Variants in ATXN7L1 observed in about 807,000 individuals in gnomAD.
ATXN7L1 encodes the protein ataxin-7-like protein 1.
A neutral mutation model predicts 70.8 loss-of-function variants in ATXN7L1; 15 were observed. The observed-to-expected ratio is 0.21, with a 90% CI of 0.14 to 0.33. ATXN7L1 has a LOEUF of 0.33. Among genes scored for constraint, ATXN7L1 ranks in the 10% least tolerant of loss-of-function variants. The probability of loss-of-function intolerance (pLI) is 1.00; values close to 1 mark genes in which losing one functional copy is unlikely to be tolerated. For missense variants in ATXN7L1, 975 were observed against 1,097.1 expected (o/e 0.89, Z 1.57); for synonymous variants, 440 against 445.1 (o/e 0.99, Z 0.14).
intron 3 of ATXN7L1, among the ~76,000 whole-genome samples, chr7:105,717,587 T>C (rs1248230412): frequency 1.3e-5 from 2 of 152,244 alleles, no homozygotes; most frequent in Non-Finnish European, 2.9e-5. Flanking sequence ...ATATAAATTC[T>C]GAGAAGCATA....
intron 2 of ATXN7L1, chr7:105,819,743 G>A: frequency 1.3e-6 from 1 of 752,994 alleles, no homozygotes; most frequent in Non-Finnish European, 2.4e-6. Flanking sequence ...GGCTGACCTC[G>A]AGGCATGTTG....
At chr7:105,765,527 C>A (rs1280456249) in intron 3 of ATXN7L1, among the ~76,000 whole-genome samples, 3 of 152,092 alleles carry the variant, frequency 2.0e-5, no homozygotes, top group Non-Finnish European at 4.4e-5. Flanking sequence ...CATCTCTTAA[C>A]CCCAGGCAAA....
At chr7:105,725,204 T>C (rs749125987) in intron 3 of ATXN7L1, among the ~76,000 whole-genome samples, 1 of 152,048 alleles carries the variant, frequency 6.6e-6, no homozygotes, top group Non-Finnish European at 1.5e-5. Context: ...AATACAAAGC[T>C]AAAGAGAGAA....
chr7:105,672,495 G>T (rs846926), intron 3 of ATXN7L1, among the ~76,000 whole-genome samples: 135,040 of 152,292 alleles, frequency 0.89, 60,081 homozygotes, highest in African/African-American at 0.95. Context: ...AGCTATTCTC[G>T]TACTGTCGAC....
intron 2 of ATXN7L1, among the ~76,000 whole-genome samples, chr7:105,791,964 C>T (rs1805314362): frequency 6.6e-6 from 1 of 152,194 alleles, no homozygotes; most frequent in African/African-American, 2.4e-5. Context: ...TGAGACCAGA[C>T]ATTGGAGGGT....
chr7:105,620,402 TAAA>T, intron 8 of ATXN7L1, 81 bp from the exon 9 acceptor site: 1 of 1,374,988 alleles, frequency 7.3e-7, no homozygotes, highest in Non-Finnish European at 9.7e-7. Context: ...AACATTTACA[TAAA>T]AACATACAAG....
chr7:105,797,776 C>G (rs1056344964), intron 2 of ATXN7L1, among the ~76,000 whole-genome samples: 1 of 152,240 alleles, frequency 6.6e-6, no homozygotes, highest in African/African-American at 2.4e-5. Context: ...CTGGTGCGCC[C>G]TCACTCGGCA....
chr7:105,681,537 G>T (rs951935635), intron 3 of ATXN7L1, among the ~76,000 whole-genome samples: 2 of 152,110 alleles, frequency 1.3e-5, no homozygotes, highest in Non-Finnish European at 2.9e-5. Flanking sequence ...ATGATCACAC[G>T]ATCTAGCAAT....
chr7:105,689,715 C>A (rs559869955), intron 3 of ATXN7L1, among the ~76,000 whole-genome samples: 7 of 152,330 alleles, frequency 4.6e-5, no homozygotes, highest in Admixed American at 3.3e-4. Flanking sequence ...CAAATTAGAA[C>A]AAAGAGTCCC....
chr7:105,657,308 T>C (rs573017), intron 4 of ATXN7L1, among the ~76,000 whole-genome samples: 21,179 of 152,000 alleles, frequency 0.14, 2,209 homozygotes, highest in African/African-American at 0.3. Context: ...AGGAGCCCAA[T>C]TGACACACCA....
rs536149396 is a variant in ATXN7L1 at position 105,634,648 on chromosome 7, G to T, written c.1202+3705C>A. 3.3e-5 allele frequency among the ~76,000 whole-genome samples: 5 copies of T among 152,178 alleles called. No individual in the cohort carries two copies. In the East Asian group the frequency reaches 9.7e-4, roughly 29 times the overall value. On this transcript the variant is annotated intron_variant, in intron 7 of 11. Coordinates refer to ENST00000419735, the MANE Select transcript of ATXN7L1 (RefSeq NM_020725.2). ...TGGGATTACATACGTGAGCCACTGC[G>T]CCTGGCCTCAGATGAAAAAAACTAT...
rs1387128243 is a variant in ATXN7L1, at chr7:105,761,233, G to T, written c.355+27371C>A. ...TTCCTTACTAGATCCTGACACCAGA[G>T]TGTGCTCACGAATTTGCAGTGAATG... On this transcript the variant is annotated intron_variant, in intron 3 of 11. Transcript: ENST00000419735. The T allele has an allele frequency of 5.4e-6, 8 of 1,489,568 alleles. No homozygotes were observed. In the African/African-American group the frequency reaches 9.9e-5, roughly 18 times the overall value. The allele number at this position is 1,489,568 out of a possible 1,614,324, so 92.3% of individuals were successfully genotyped here.
rs183656807 is a variant in ATXN7L1, at chr7:105,844,243, C to T, written c.250+31569G>A. On this transcript the variant is annotated intron_variant, in intron 2 of 11. Coordinates refer to ENST00000419735, the MANE Select transcript of ATXN7L1 (RefSeq NM_020725.2). ...AAGACTGAGTCACAAGGAACACTCT[C>T]CAACTCTTTGAGGCTAGTATCACCT... Among the ~76,000 whole-genome samples the T allele has an allele frequency of 6.6e-5, 10 of 152,288 alleles. No individual in the cohort carries two copies. In the East Asian group the frequency reaches 1.9e-3, roughly 29 times the overall value.
In ATXN7L1 at chr7:105,620,056, G is replaced by A. The variant is rs141785463; in HGVS notation, c.1517+144C>T. The A allele has an allele frequency of 1.1e-3, 1,182 of 1,034,538 alleles. 2 individuals are homozygous for A. The African/African-American group carries it at 0.013, about 12-fold the overall frequency. 64.1% of individuals were successfully genotyped at this position (1,034,538 alleles called of 1,614,324 possible). On this transcript the variant is annotated intron_variant, in intron 9 of 11. Transcript: ENST00000419735. Reference sequence around the variant, plus strand: ...TCAGGCAAACCATTAAGAAGAGCTGGTATTTAAGAATTAATCAAGCATCCT... The same window carrying A: ...TCAGGCAAACCATTAAGAAGAGCTGATATTTAAGAATTAATCAAGCATCCT...
intron 2 of ATXN7L1, among the ~76,000 whole-genome samples, chr7:105,872,498 T>C (rs1033538388): frequency 1.3e-5 from 2 of 152,134 alleles, no homozygotes; most frequent in Non-Finnish European, 2.9e-5. Flanking sequence ...TAAAAAGGAA[T>C]GAAGTACTGA....
At chr7:105,642,741 G>A (rs62487033) in intron 5 of ATXN7L1, 97 bp downstream of exon 5, 1 of 1,374,100 alleles carries the variant, frequency 7.3e-7, no homozygotes, top group Non-Finnish European at 9.8e-7. Context: ...AAATGAAACA[G>A]ACCTGCTTAA....
At chr7:105,678,906 C>T (rs565079113) in intron 3 of ATXN7L1, 53 of 253,454 alleles carry the variant, frequency 2.1e-4, no homozygotes, top group Non-Finnish European at 2.9e-4. Context: ...AGCCCACAGC[C>T]GGAGAGCACT....
intron 4 of ATXN7L1, among the ~76,000 whole-genome samples, chr7:105,658,780 C>T (rs980410933): frequency 7.9e-5 from 12 of 152,196 alleles, no homozygotes; most frequent in East Asian, 1.9e-4. Context: ...ATGATCCATC[C>T]GCTTCGGCTT....
At chr7:105,656,203 G>C (rs553575165) in intron 4 of ATXN7L1, among the ~76,000 whole-genome samples, 1 of 152,356 alleles carries the variant, frequency 6.6e-6, no homozygotes, top group South Asian at 2.1e-4. Flanking sequence ...CGGTCACTGT[G>C]CCAGGGTCTG....
Sources: allele counts gnomAD v4.1 joint callset (sites outside exome capture counted in the v4.1 genomes callset), GRCh38; gene constraint gnomAD v4.1.1; transcripts MANE v1.5; gene names NCBI Gene and HGNC (gene_info 2026-07-23, HGNC 2026-07-21).